The following FZR1 variants were observed in gnomAD, a reference collection of about 807,000 sequenced individuals.
FZR1 encodes fizzy and cell division cycle 20 related 1, also known as fizzy-related protein homolog.
Under a neutral mutation model 63.6 loss-of-function variants are expected in FZR1, and 11 were observed. The observed-to-expected ratio is 0.17, with a 90% CI of 0.11 to 0.29. FZR1 has a LOEUF of 0.29. Ranked by LOEUF, FZR1 falls within the 10% of genes least tolerant of loss-of-function variation. The pLI, the probability that FZR1 is intolerant of heterozygous loss-of-function variation, is 1.00. For synonymous variants in FZR1, 328 were observed against 297.9 expected (o/e 1.10, Z -1.04); for missense variants, 440 against 687.5 (o/e 0.64, Z 4.03).
In FZR1 at chr19:3,506,485, C is replaced by T. The variant is rs1272657872; in HGVS notation, c.-35+11C>T. The T allele has an allele frequency of 2.0e-5, 3 of 151,428 alleles. No homozygotes were observed. Among genetic ancestry groups the T allele is most frequent in the Non-Finnish European group, 4.4e-5 (3 of 67,726 alleles). The allele number at this position is 151,428 out of a possible 1,614,324, so 9.4% of individuals were successfully genotyped here. On this transcript the variant is annotated intron_variant, in intron 1 of 13. Transcript: ENST00000441788. ...ACGGGAGCGAGCCAGGTGAGGCGGC[C>T]GGGGTCGGGGACCCGCCCCCCGGGC...
In FZR1 at chr19:3,522,570, C is replaced by T. The variant is rs145487632; in HGVS notation, c.-34-386C>T. The stretch of plus-strand genomic sequence containing the variant: ...AGAGCTGGTGTGGCTTGTTGAACCC[C>T]GTTGCAGACGCACACGCACGTGGGT... On this transcript the variant is annotated intron_variant, in intron 1 of 13. Transcript: ENST00000441788. 1.9e-3 allele frequency among the ~76,000 whole-genome samples: 287 copies of T among 152,312 alleles called. 5 individuals are homozygous for T. Among genetic ancestry groups the T allele is most frequent in the Middle Eastern group, 6.8e-3 (2 of 294 alleles).
In FZR1 at chr19:3,531,948, G is replaced by A. The variant is rs1159440772; in HGVS notation, c.861G>A (p.Gly287=). The A allele has an allele frequency of 2.5e-6, 4 of 1,590,944 alleles. No individual in the cohort carries two copies. In the East Asian group the frequency reaches 9.1e-5, roughly 36 times the overall value. Residue 287 remains glycine (G), a synonymous_variant, in exon 10 of 14, where the codon GGG becomes GGA. Coordinates refer to ENST00000441788, the MANE Select transcript of FZR1 (RefSeq NM_016263.4). ...LAWNAEQLSS[G]SRDRMILQRD... ...GGAATGCTGAGCAGCTGTCGTCCGGGAGCCGCGACCGCATGATCCTGCAGA... is the reference window on the plus strand; with the variant it reads ...GGAATGCTGAGCAGCTGTCGTCCGGAAGCCGCGACCGCATGATCCTGCAGA...
Position 3,525,797 on chromosome 19 carries a change from A to G in FZR1, c.70-71A>G, listed in dbSNP as rs1402400338. 6.4e-7 allele frequency: 1 copy of G among 1,559,824 alleles called. No homozygotes were observed. The highest frequency in any genetic ancestry group is 8.7e-7 in the Non-Finnish European group (1 of 1,152,126). ...CTTTGCTCAGTGGCCAGAGGCTGAG[A>G]GAGGCTGGCCTGGGGGCACTCTCGG... On this transcript the variant is annotated intron_variant, in intron 2 of 13. Coordinates refer to ENST00000441788, the MANE Select transcript of FZR1 (RefSeq NM_016263.4). This position sits in a 1 kb window ranked among gnomAD's most constrained non-coding sequence, Gnocchi z 4.2.
In FZR1 at chr19:3,527,060, G is replaced by A; in HGVS notation, c.468G>A (p.Lys156=). The change falls in exon 6 of 14, where the codon AAG becomes AAA. Residue 156 remains lysine (K), a splice_region_variant and synonymous_variant. Transcript: ENST00000441788. ...ACTCCCTGTCTCCCGTCAGCAACAA[G>A]AGGTGGGTCCCAGCTTCCTCCGCAG... is the stretch of plus-strand genomic sequence containing the variant. ...SPYSLSPVSN[K]SQKLLRSPRK... The A allele has an allele frequency of 1.2e-6, 2 of 1,607,648 alleles. No individual in the cohort carries two copies. The highest frequency in any genetic ancestry group is 1.7e-6 in the Non-Finnish European group (2 of 1,175,166).
rs1388084231 is a variant in FZR1 at position 3,536,065 on chromosome 19, G to A, written c.*1229G>A. On this transcript the variant is annotated 3_prime_UTR_variant, in exon 14 of 14. Coordinates refer to ENST00000441788, the MANE Select transcript of FZR1 (RefSeq NM_016263.4). ...GAGGGTGGGGCGGGCTGGGGTTGGA[G>A]GGTCCCACCCACCACCCTGCTGTGC... 6.6e-6 allele frequency: 1 copy of A among 152,228 alleles called. No individual in the cohort carries two copies. The highest frequency in any genetic ancestry group is 1.5e-5 in the Non-Finnish European group (1 of 68,068). The allele number at this position is 152,228 out of a possible 1,614,324, so 9.4% of individuals were successfully genotyped here.
chr19:3,534,564 G>A, intron 13 of FZR1, 51 bp downstream of exon 13: 1 of 1,279,096 alleles, frequency 7.8e-7, no homozygotes, highest in South Asian at 1.2e-5. Context: ...GCCTGTCCCA[G>A]GGTCGTCCCT....
chr19:3,527,391 C>T (rs1433049596), intron 6 of FZR1, among the ~76,000 whole-genome samples: 1 of 152,108 alleles, frequency 6.6e-6, no homozygotes, highest in Non-Finnish European at 1.5e-5. Context: ...GGAAGGGCTG[C>T]CTGGAGGAGG....
intron 1 of FZR1, among the ~76,000 whole-genome samples, chr19:3,507,184 C>G (rs948501593): frequency 1.7e-4 from 26 of 151,224 alleles, no homozygotes; most frequent in African/African-American, 5.6e-4. Flanking sequence ...CCCATTCCCC[C>G]GAAATCCAGC....
At position 3,515,036 on chromosome 19, in the gene FZR1, C is replaced by T. The variant is rs539023706; in HGVS notation, c.-34-7920C>T. Among the ~76,000 whole-genome samples, 42 of 152,176 alleles carry T rather than the reference C, an allele frequency of 2.8e-4. No homozygotes were observed. Among genetic ancestry groups the T allele is most frequent in the Non-Finnish European group, 5.3e-4 (36 of 68,016 alleles). On this transcript the variant is annotated intron_variant, in intron 1 of 13. Coordinates refer to ENST00000441788, the MANE Select transcript of FZR1 (RefSeq NM_016263.4). The surrounding 1 kb of genome is among the most constrained non-coding windows in gnomAD (Gnocchi z 4.6). Reference sequence around the variant, plus strand: ...CCAAGGGGATGGGGCAGCAGGAAGCCCGGTGGCCCAGGGCCCGGGTCCACC... The same window carrying T: ...CCAAGGGGATGGGGCAGCAGGAAGCTCGGTGGCCCAGGGCCCGGGTCCACC...
intron 1 of FZR1, among the ~76,000 whole-genome samples, chr19:3,517,515 C>T (rs1453747204): frequency 6.6e-6 from 1 of 151,956 alleles, no homozygotes; most frequent in Non-Finnish European, 1.5e-5. Context: ...GATGAAACCC[C>T]CTCTCTACTA....
At chr19:3,523,861 C>T (rs1436901157) in intron 2 of FZR1, among the ~76,000 whole-genome samples, 1 of 152,200 alleles carries the variant, frequency 6.6e-6, no homozygotes, top group Non-Finnish European at 1.5e-5. Flanking sequence ...GCAGGCTCAC[C>T]TTCAAGGCTT....
At position 3,537,642 on chromosome 19, in the gene FZR1, AGGGGAGGCTGTG is replaced by A. The variant is rs1047030331; in HGVS notation, c.*2811_*2822del. On this transcript the variant is annotated 3_prime_UTR_variant, in exon 14 of 14. Coordinates refer to ENST00000441788, the MANE Select transcript of FZR1 (RefSeq NM_016263.4). ...AGGAGGCCGGGGGGCCGGGGGCTGC[AGGGGAGGCTGTG>A]GGGGTCCTGGCAGCCAGGAGGCCCC... 2.0e-5 allele frequency: 3 copies of A among 152,800 alleles called. No homozygotes were observed. The highest frequency in any genetic ancestry group is 7.3e-5 in the African/African-American group (3 of 41,262). The allele number at this position is 152,800 out of a possible 1,614,324, so 9.5% of individuals were successfully genotyped here.
intron 1 of FZR1, among the ~76,000 whole-genome samples, chr19:3,509,463 C>T (rs1340323692): frequency 1.3e-5 from 2 of 152,190 alleles, no homozygotes; most frequent in African/African-American, 4.8e-5. Context: ...TTAATTTTTG[C>T]TCGTAGTAGC....
rs1156855763 is a variant in FZR1 at position 3,518,952 on chromosome 19, T to A, written c.-34-4004T>A. Among the ~76,000 whole-genome samples, 5 of 152,170 alleles carry A rather than the reference T, an allele frequency of 3.3e-5. No homozygotes were observed. In the South Asian group the frequency reaches 1.0e-3, roughly 31 times the overall value. ...GATTTTCTCCCACTACCTCCTCTGG[T>A]AGGGAGCTCACTCCAGTGGGTGGGT... On this transcript the variant is annotated intron_variant, in intron 1 of 13. Transcript: ENST00000441788.
intron 1 of FZR1, among the ~76,000 whole-genome samples, chr19:3,511,890 G>C (rs760849626): frequency 4.6e-5 from 7 of 152,200 alleles, no homozygotes; most frequent in Admixed American, 1.3e-4. Flanking sequence ...GAGGCCGCCA[G>C]CTCAGCTTGT....
Position 3,535,713 on chromosome 19 carries a change from A to T in FZR1, c.*877A>T, listed in dbSNP as rs936865887. On this transcript the variant is annotated 3_prime_UTR_variant, in exon 14 of 14. Transcript: ENST00000441788. ...GGCCAGCGTCCTCCTTCCCTGCGCA[A>T]GACTTGCGTCCCCCATGCCTGCTGG... is the stretch of plus-strand genomic sequence containing the variant. 2 of 152,366 alleles carry T rather than the reference A, an allele frequency of 1.3e-5. No homozygotes were observed. Among genetic ancestry groups the T allele is most frequent in the African/African-American group, 4.8e-5 (2 of 41,456 alleles). 9.4% of individuals were successfully genotyped at this position (152,366 alleles called of 1,614,324 possible). A position where few individuals can be genotyped will look rare whatever the true frequency, so the allele number is the denominator to read the frequency against.
At chr19:3,507,432 C>T (rs1470633058) in intron 1 of FZR1, among the ~76,000 whole-genome samples, 1 of 151,962 alleles carries the variant, frequency 6.6e-6, no homozygotes, top group Non-Finnish European at 1.5e-5. Flanking sequence ...CTGAGACCCC[C>T]GATATGCAGA....
chr19:3,524,788 C>G (rs1027435318), intron 2 of FZR1, among the ~76,000 whole-genome samples: 4 of 152,170 alleles, frequency 2.6e-5, no homozygotes, highest in African/African-American at 7.2e-5. Flanking sequence ...TCCCTCTGGC[C>G]TCTGCATCTG....
At position 3,517,867 on chromosome 19, in the gene FZR1, T is replaced by G. The variant is rs1288186132; in HGVS notation, c.-34-5089T>G. On this transcript the variant is annotated intron_variant, in intron 1 of 13. Transcript: ENST00000441788. ...AACTAAACAAAGTTCTTTTTTTTTT[T>G]TTTTCCTTCCTGAGACAGTGTCTTG... 2.0e-5 allele frequency among the ~76,000 whole-genome samples: 3 copies of G among 151,166 alleles called. No homozygotes were observed. In the East Asian group the frequency reaches 5.8e-4, roughly 29 times the overall value.
Sources: gnomAD v4.1 joint callset for allele counts (sites outside exome capture counted in the v4.1 genomes callset) on GRCh38, gnomAD v4.1.1 for gene constraint, Gnocchi (gnomAD v3.1) non-coding constraint, MANE v1.5 for transcripts, NCBI Gene and HGNC (gene_info 2026-07-23, HGNC 2026-07-21) for gene names.